Variants in PTPRN2 observed in about 807,000 individuals in gnomAD.
PTPRN2 encodes protein tyrosine phosphatase receptor type N2, also known as receptor-type tyrosine-protein phosphatase N2.
In PTPRN2, 74 loss-of-function variants were observed where a neutral mutation model predicts 118.8. The observed-to-expected ratio is 0.62, with a 90% CI of 0.52 to 0.76. The LOEUF (loss-of-function observed/expected upper bound fraction) is 0.76, where lower values mean the gene tolerates loss of function less well. Among genes scored for constraint, PTPRN2 ranks in the 30% least tolerant of loss-of-function variants. The probability of loss-of-function intolerance (pLI) is 0.00; values close to 1 mark genes in which losing one functional copy is unlikely to be tolerated. For missense variants in PTPRN2, 1,481 were observed against 1,394.4 expected, an observed-to-expected ratio of 1.06 and a Z score of -0.99; for synonymous variants, 641 against 608.0, an observed-to-expected ratio of 1.05 and a Z score of -0.80.
At chr7:157,880,265 A>G (rs1158570710) in intron 12 of PTPRN2, among the ~76,000 whole-genome samples, 1 of 152,244 alleles carries the variant, frequency 6.6e-6, no homozygotes, top group Non-Finnish European at 1.5e-5. Context: ...TGCTGAAGGT[A>G]GCATCATAAA....
At chr7:158,297,235 T>C (rs1240573758) in intron 3 of PTPRN2, among the ~76,000 whole-genome samples, 3 of 152,238 alleles carry the variant, frequency 2.0e-5, no homozygotes, top group African/African-American at 7.2e-5. Context: ...TCATTTCAGA[T>C]TGATCATCAT....
chr7:157,829,447 G>A (rs1010433249), intron 12 of PTPRN2, among the ~76,000 whole-genome samples: 6 of 152,356 alleles, frequency 3.9e-5, no homozygotes, highest in East Asian at 1.9e-4. Flanking sequence ...ATGCGGGCCC[G>A]TGTGCACCGC....
chr7:157,853,468 T>G, intron 12 of PTPRN2, among the ~76,000 whole-genome samples: 1 of 149,984 alleles, frequency 6.7e-6, no homozygotes, highest in Admixed American at 6.6e-5. Context: ...CCACCTCCCT[T>G]TGCCGTCTTC....
chr7:158,538,131 A>G (rs549937830), intron 1 of PTPRN2, among the ~76,000 whole-genome samples: 10 of 152,210 alleles, frequency 6.6e-5, no homozygotes, highest in Non-Finnish European at 1.3e-4. Context: ...ACGCTGGCGG[A>G]AAAGAGCACA....
At chr7:157,896,616 C>T (rs1797139128) in intron 12 of PTPRN2, among the ~76,000 whole-genome samples, 1 of 151,500 alleles carries the variant, frequency 6.6e-6, no homozygotes, top group Admixed American at 6.6e-5. Context: ...CGGGGAGGTG[C>T]TGTCCCCCAG....
chr7:157,735,859 C>T (rs978571398), intron 12 of PTPRN2, among the ~76,000 whole-genome samples: 1 of 152,200 alleles, frequency 6.6e-6, no homozygotes, highest in Non-Finnish European at 1.5e-5. Context: ...GCTGGGTGGG[C>T]TCTGAATTCC....
chr7:157,872,275 ACATACCCAGTGTCCTCCCCACACACG>A (rs1811124540), intron 12 of PTPRN2, among the ~76,000 whole-genome samples: 1 of 108,034 alleles, frequency 9.3e-6, no homozygotes, highest in Non-Finnish European at 1.8e-5. Context: ...CCCCACACAC[ACATACCCAGTGTCCTCCCCACACACG>A]CATACCCAGT....
intron 3 of PTPRN2, among the ~76,000 whole-genome samples, chr7:158,283,363 C>T (rs556904201): frequency 6.6e-6 from 1 of 152,306 alleles, no homozygotes; most frequent in Non-Finnish European, 1.5e-5. Flanking sequence ...TTCACACCGT[C>T]TGCCATCCGT....
At chr7:158,139,724 G>A (rs1449661006) in intron 6 of PTPRN2, among the ~76,000 whole-genome samples, 1 of 152,182 alleles carries the variant, frequency 6.6e-6, no homozygotes, top group Non-Finnish European at 1.5e-5. Flanking sequence ...CATGAGAATG[G>A]AAAGGGTCCC....
At chr7:158,307,164 G>A (rs768850804) in intron 3 of PTPRN2, among the ~76,000 whole-genome samples, 6 of 152,166 alleles carry the variant, frequency 3.9e-5, no homozygotes, top group Non-Finnish European at 8.8e-5. Flanking sequence ...ACTGTGCCCA[G>A]ACTAAATGAG....
rs1563068034 is a variant in PTPRN2, at chr7:158,270,856, C to CG, written c.277+45962_277+45963insC. On this transcript the variant is annotated intron_variant, in intron 3 of 22. Coordinates refer to ENST00000389418, the MANE Select transcript of PTPRN2 (RefSeq NM_002847.5). ...GATGACCCCCTCACCTGGACCGCCC[C>CG]CCCACCTGGACCGCCCCCTCCACCT... is the stretch of plus-strand genomic sequence containing the variant. 3.9e-3 allele frequency among the ~76,000 whole-genome samples: 274 copies of CG among 70,334 alleles called. 51 individuals are homozygous for CG. The highest frequency in any genetic ancestry group is 0.015 in the African/African-American group (241 of 16,230). The allele number at this position is 70,334 out of a possible 152,430, so 46.1% of individuals were successfully genotyped here. A position where few individuals can be genotyped will look rare whatever the true frequency, so the allele number is the denominator to read the frequency against.
chr7:158,274,020 G>C (rs1262628245), intron 3 of PTPRN2, among the ~76,000 whole-genome samples: 1 of 132,206 alleles, frequency 7.6e-6, no homozygotes, highest in Non-Finnish European at 1.6e-5. Context: ...GCAGACACAG[G>C]GGGAGCCGCA....
chr7:158,141,493 A>G (rs540233675), intron 6 of PTPRN2, among the ~76,000 whole-genome samples: 1 of 152,204 alleles, frequency 6.6e-6, no homozygotes, highest in South Asian at 2.1e-4. Context: ...GACTCGCATG[A>G]CTTTCCAAAC....
At chr7:158,572,118 G>A (rs1241622288) in intron 1 of PTPRN2, among the ~76,000 whole-genome samples, 6 of 152,214 alleles carry the variant, frequency 3.9e-5, no homozygotes, top group African/African-American at 1.4e-4. Context: ...CTGGAGGGCA[G>A]GGACTCTGTC....
chr7:158,363,730 G>A (rs1164377389), intron 2 of PTPRN2, among the ~76,000 whole-genome samples: 2 of 152,214 alleles, frequency 1.3e-5, no homozygotes, highest in Non-Finnish European at 2.9e-5. Context: ...GCCAGGAGAG[G>A]TCGGGAGGGG....
intron 13 of PTPRN2, 40 bp from the exon 14 acceptor site, chr7:157,656,591 T>C (rs373506126): frequency 8.5e-5 from 125 of 1,472,660 alleles, no homozygotes; most frequent in Non-Finnish European, 1.1e-4. Flanking sequence ...GTTAGTGGCA[T>C]TGGGGACACC....
intron 11 of PTPRN2, among the ~76,000 whole-genome samples, chr7:157,917,076 T>C (rs13226367): frequency 0.015 from 1,032 of 67,740 alleles, no homozygotes; most frequent in Middle Eastern, 0.037. Context: ...GGGCTGGCCA[T>C]GCACCCCGGC....
chr7:158,403,997 G>A (rs1159752642), intron 2 of PTPRN2, among the ~76,000 whole-genome samples: 1 of 152,206 alleles, frequency 6.6e-6, no homozygotes, highest in Non-Finnish European at 1.5e-5. Context: ...AGAAAAGGAA[G>A]TCCATTAGGA....
rs77518979 is a variant in PTPRN2, at chr7:157,853,879, C to T, written c.1788+44794G>A. ...TTTCAATGAGGTCATTAGGGCGGGC[C>T]CTAATCCAACAAGACGGGGGTCCTT... On this transcript the variant is annotated intron_variant, in intron 12 of 22. Transcript: ENST00000389418. Among the ~76,000 whole-genome samples, 716 of 152,222 alleles carry T rather than the reference C, an allele frequency of 4.7e-3. 18 individuals are homozygous for T. Among genetic ancestry groups the T allele is most frequent in the East Asian group, 0.045 (235 of 5,166 alleles).
Sources: allele counts gnomAD v4.1 joint callset (sites outside exome capture counted in the v4.1 genomes callset), GRCh38; gene constraint gnomAD v4.1.1; transcripts MANE v1.5; gene names NCBI Gene and HGNC (gene_info 2026-07-23, HGNC 2026-07-21).